LRRC4C: variants seen among roughly 807,000 people sequenced by gnomAD.
The protein encoded by LRRC4C is leucine-rich repeat-containing protein 4C.
In LRRC4C, 5 loss-of-function variants were observed where a neutral mutation model predicts 33.6. The observed-to-expected ratio is 0.15, with a 90% CI of 0.08 to 0.31. LRRC4C has a LOEUF of 0.31. Ranked by LOEUF, LRRC4C falls within the 10% of genes least tolerant of loss-of-function variation. LRRC4C has a pLI of 1.00. For synonymous variants in LRRC4C, 329 were observed against 302.0 expected, an observed-to-expected ratio of 1.09 and a Z score of -0.93; for missense variants, 560 against 796.7, an observed-to-expected ratio of 0.70 and a Z score of 3.58.
intron 1 of LRRC4C, among the ~76,000 whole-genome samples, chr11:40,970,537 T>C (rs1851656593): frequency 6.6e-6 from 1 of 152,114 alleles, no homozygotes; most frequent in African/African-American, 2.4e-5. Flanking sequence ...TTCTTCATAG[T>C]AATGTGAGAA....
At chr11:40,379,817 TG>T in intron 3 of LRRC4C, among the ~76,000 whole-genome samples, 1 of 152,304 alleles carries the variant, frequency 6.6e-6, no homozygotes, top group East Asian at 1.9e-4. Flanking sequence ...GCTCAAATTG[TG>T]GTTGTGGGCC....
intron 2 of LRRC4C, among the ~76,000 whole-genome samples, chr11:40,829,091 T>C (rs1216350847): frequency 6.6e-6 from 1 of 151,950 alleles, no homozygotes; most frequent in Non-Finnish European, 1.5e-5. Context: ...TACATCATAA[T>C]TGGTTTCTAA....
chr11:40,507,719 T>C (rs761944699), intron 3 of LRRC4C, among the ~76,000 whole-genome samples: 7 of 151,016 alleles, frequency 4.6e-5, no homozygotes, highest in Non-Finnish European at 1.0e-4. Flanking sequence ...TAAATCTTCA[T>C]TATAAGGCAC....
At chr11:40,156,194 A>G (rs561875323) in intron 5 of LRRC4C, among the ~76,000 whole-genome samples, 1 of 152,192 alleles carries the variant, frequency 6.6e-6, no homozygotes, top group Non-Finnish European at 1.5e-5. Context: ...CATACAAGAG[A>G]CATACCTGAA....
chr11:40,266,980 A>T (rs1000342829), intron 4 of LRRC4C, among the ~76,000 whole-genome samples: 1 of 104,428 alleles, frequency 9.6e-6, no homozygotes, highest in African/African-American at 3.8e-5. Flanking sequence ...CACAGTCTTT[A>T]CTTCTCTTTG....
At chr11:40,892,122 G>C (rs367856303) in intron 2 of LRRC4C, among the ~76,000 whole-genome samples, 1 of 118,720 alleles carries the variant, frequency 8.4e-6, no homozygotes, top group Admixed American at 1.1e-4. Context: ...GCGACAGTGC[G>C]AGATTGTGTC....
intron 3 of LRRC4C, among the ~76,000 whole-genome samples, chr11:40,508,655 A>T (rs1166466992): frequency 6.6e-6 from 1 of 152,146 alleles, no homozygotes; most frequent in Admixed American, 6.6e-5. Context: ...ATTCACCTAA[A>T]TTTTGAAACT....
intron 1 of LRRC4C, among the ~76,000 whole-genome samples, chr11:41,413,723 C>T (rs1358247716): frequency 6.6e-6 from 1 of 152,124 alleles, no homozygotes; most frequent in Admixed American, 6.5e-5. Context: ...AAGTAAGGCA[C>T]AATTGCCCCT....
chr11:40,699,523 G>A (rs1202978064), intron 2 of LRRC4C, among the ~76,000 whole-genome samples: 1 of 152,144 alleles, frequency 6.6e-6, no homozygotes, highest in Non-Finnish European at 1.5e-5. Context: ...CCATTTTGGT[G>A]CATTTTTCCC....
At chr11:40,621,923 G>T (rs1225013168) in intron 3 of LRRC4C, among the ~76,000 whole-genome samples, 1 of 151,726 alleles carries the variant, frequency 6.6e-6, no homozygotes, top group African/African-American at 2.4e-5. Context: ...AGAAGTTAAA[G>T]ACTTTGCCCC....
intron 3 of LRRC4C, among the ~76,000 whole-genome samples, chr11:40,479,735 C>T (rs754940241): frequency 3.3e-5 from 5 of 152,036 alleles, no homozygotes; most frequent in Non-Finnish European, 5.9e-5. Context: ...GAAAACCCAA[C>T]GTTTGTTTTC....
intron 2 of LRRC4C, among the ~76,000 whole-genome samples, chr11:40,682,541 C>T (rs1289244496): frequency 2.6e-5 from 4 of 151,842 alleles, no homozygotes; most frequent in African/African-American, 4.8e-5. Context: ...TTTGGGAGGC[C>T]GAGGCAGGTA....
intron 5 of LRRC4C, among the ~76,000 whole-genome samples, chr11:40,227,633 C>T (rs1864904764): frequency 6.6e-6 from 1 of 152,104 alleles, no homozygotes; most frequent in Admixed American, 6.6e-5. Flanking sequence ...TGCATGATGA[C>T]TCCCCTGCAT....
intron 1 of LRRC4C, among the ~76,000 whole-genome samples, chr11:41,137,638 C>G (rs1470978055): frequency 6.6e-6 from 1 of 151,890 alleles, no homozygotes; most frequent in Non-Finnish European, 1.5e-5. Context: ...TAACCACAAC[C>G]AAAATATATA....
intron 3 of LRRC4C, among the ~76,000 whole-genome samples, chr11:40,590,864 A>C (rs1591205859): frequency 6.6e-6 from 1 of 152,318 alleles, no homozygotes; most frequent in South Asian, 2.1e-4. Flanking sequence ...TGCTGGGAGA[A>C]CCACTGCTCT....
At chr11:40,795,321 G>A (rs1436495611) in intron 2 of LRRC4C, among the ~76,000 whole-genome samples, 4 of 152,092 alleles carry the variant, frequency 2.6e-5, no homozygotes, top group African/African-American at 4.8e-5. Flanking sequence ...GAGTTCAGGA[G>A]ATCGAGACCA....
chr11:40,374,978 C>T (rs1948599778), intron 3 of LRRC4C, among the ~76,000 whole-genome samples: 1 of 152,164 alleles, frequency 6.6e-6, no homozygotes, highest in African/African-American at 2.4e-5. Context: ...AAACTCTTTA[C>T]ATTTATTTTA....
intron 1 of LRRC4C, among the ~76,000 whole-genome samples, chr11:40,947,019 T>C (rs1436347096): frequency 2.0e-5 from 3 of 152,160 alleles, no homozygotes; most frequent in Admixed American, 6.6e-5. Context: ...TGAATGACTT[T>C]TGGGTATAAG....
intron 1 of LRRC4C, among the ~76,000 whole-genome samples, chr11:41,336,392 A>G (rs1024773958): frequency 1.3e-5 from 2 of 152,156 alleles, no homozygotes; most frequent in East Asian, 3.9e-4. Flanking sequence ...TTCTCCTTCA[A>G]TCTCAGTCTC....
Sources: gnomAD v4.1 joint callset for allele counts (sites outside exome capture counted in the v4.1 genomes callset) on GRCh38, gnomAD v4.1.1 for gene constraint, MANE v1.5 for transcripts, NCBI Gene and HGNC (gene_info 2026-07-23, HGNC 2026-07-21) for gene names.